Variants in ADD2 observed in about 807,000 individuals in gnomAD.
ADD2 encodes the protein beta-adducin.
A neutral mutation model predicts 83.0 loss-of-function variants in ADD2; 23 were observed. That is an observed-to-expected ratio of 0.28 (90% CI 0.20 to 0.39). The LOEUF (loss-of-function observed/expected upper bound fraction) is 0.39. Ranked by LOEUF, ADD2 falls within the 10% of genes least tolerant of loss-of-function variation. The pLI is 1.00. For synonymous variants in ADD2, 375 were observed against 375.4 expected, an observed-to-expected ratio of 1.00 and a Z score of 0.01; for missense variants, 758 against 944.9, an observed-to-expected ratio of 0.80 and a Z score of 2.59.
At chr2:70,743,702 A>T (rs1553381486) in intron 1 of ADD2, among the ~76,000 whole-genome samples, 1 of 152,236 alleles carries the variant, frequency 6.6e-6, no homozygotes, top group Non-Finnish European at 1.5e-5. Context: ...ATTTAAAGTC[A>T]TCAAGTCTTG....
At chr2:70,720,165 T>TGGA (rs1372542814) in intron 1 of ADD2, among the ~76,000 whole-genome samples, 3 of 152,112 alleles carry the variant, frequency 2.0e-5, no homozygotes, top group African/African-American at 7.2e-5. Flanking sequence ...GCATCTAAAC[T>TGGA]GGAGGGTAAT....
intron 1 of ADD2, among the ~76,000 whole-genome samples, chr2:70,760,125 G>A (rs1284793854): frequency 1.3e-5 from 2 of 152,248 alleles, no homozygotes; most frequent in East Asian, 1.9e-4. Context: ...AACTCAAATC[G>A]ATGTTTTCCT....
At chr2:70,767,743 G>C (rs1675482745) in intron 1 of ADD2, 143 bp downstream of exon 1, 1 of 1,439,726 alleles carries the variant, frequency 6.9e-7, no homozygotes, top group Non-Finnish European at 9.1e-7. Context: ...CTGCCGGCCA[G>C]GGCTGCAGCA....
chr2:70,756,765 T>C (rs1251185786), intron 1 of ADD2, among the ~76,000 whole-genome samples: 1 of 152,190 alleles, frequency 6.6e-6, no homozygotes, highest in East Asian at 1.9e-4. Flanking sequence ...GTTGTGGGGA[T>C]GGCCAGAAGA....
At chr2:70,712,620 C>T (rs1553375673) in intron 2 of ADD2, among the ~76,000 whole-genome samples, 1 of 152,140 alleles carries the variant, frequency 6.6e-6, no homozygotes, top group African/African-American at 2.4e-5. Flanking sequence ...TGCTGGGCTG[C>T]CATGTGGAAG....
At chr2:70,763,490 A>C (rs1553385411) in intron 1 of ADD2, among the ~76,000 whole-genome samples, 2 of 151,908 alleles carry the variant, frequency 1.3e-5, no homozygotes, top group Non-Finnish European at 2.9e-5. Flanking sequence ...TGGCAGAAAA[A>C]ATTTCTCATG....
At chr2:70,731,499 T>C (rs1673280286) in intron 1 of ADD2, among the ~76,000 whole-genome samples, 1 of 152,214 alleles carries the variant, frequency 6.6e-6, no homozygotes, top group South Asian at 2.1e-4. Context: ...GTCACTAGAC[T>C]GGAAGTTTTA....
At chr2:70,712,169 T>C (rs1672212870) in intron 2 of ADD2, among the ~76,000 whole-genome samples, 1 of 152,098 alleles carries the variant, frequency 6.6e-6, no homozygotes, top group South Asian at 2.1e-4. Context: ...ATAGGCTGGG[T>C]GCAGTGGCTC....
At chr2:70,767,150 C>G (rs1164960396) in intron 1 of ADD2, among the ~76,000 whole-genome samples, 1 of 152,106 alleles carries the variant, frequency 6.6e-6, no homozygotes, top group Non-Finnish European at 1.5e-5. Context: ...TAAGCAGACA[C>G]CGACTCCCGC....
chr2:70,713,787 G>T (rs1043943284), intron 1 of ADD2, among the ~76,000 whole-genome samples: 1 of 152,108 alleles, frequency 6.6e-6, no homozygotes, highest in African/African-American at 2.4e-5. Flanking sequence ...GAGCCCAGAC[G>T]TGGTGGCGAG....
At chr2:70,666,579 C>T (rs58190829) in intron 15 of ADD2, among the ~76,000 whole-genome samples, 62 of 152,342 alleles carry the variant, frequency 4.1e-4, no homozygotes, top group African/African-American at 1.4e-3. Context: ...CTTCTAGCTC[C>T]GTGAAGACAA....
chr2:70,689,096 A>C (rs1670893154), intron 8 of ADD2, among the ~76,000 whole-genome samples: 1 of 77,060 alleles, frequency 1.3e-5, no homozygotes, highest in Non-Finnish European at 2.6e-5. Context: ...ACTCCGTCTC[A>C]AAAAAAAACC....
At chr2:70,724,855 C>T (rs1192773233) in intron 1 of ADD2, among the ~76,000 whole-genome samples, 1 of 152,190 alleles carries the variant, frequency 6.6e-6, no homozygotes, top group Non-Finnish European at 1.5e-5. Flanking sequence ...AGGACAGATG[C>T]CCACACTGTA....
intron 1 of ADD2, among the ~76,000 whole-genome samples, chr2:70,757,193 C>T (rs1553384004): frequency 6.6e-6 from 1 of 151,878 alleles, no homozygotes; most frequent in African/African-American, 2.4e-5. Context: ...CATTCAGAAA[C>T]AGCAGTACAT....
At chr2:70,758,471 G>A (rs1349613335) in intron 1 of ADD2, among the ~76,000 whole-genome samples, 4 of 152,110 alleles carry the variant, frequency 2.6e-5, no homozygotes, top group African/African-American at 9.7e-5. Flanking sequence ...TCAGAAAAAT[G>A]GAGTAGTTCA....
chr2:70,717,106 G>C (rs1672511073), intron 1 of ADD2, among the ~76,000 whole-genome samples: 2 of 152,068 alleles, frequency 1.3e-5, no homozygotes, highest in South Asian at 4.2e-4. Context: ...GAGGAACCCA[G>C]GAGCTCCCTC....
chr2:70,675,112 T>C (rs1670066676), intron 13 of ADD2: 1 of 1,131,090 alleles, frequency 8.8e-7, no homozygotes, highest in Non-Finnish European at 1.1e-6. Context: ...CACACCTTTA[T>C]TGCAATCCCT....
At position 70,691,015 on chromosome 2, in the gene ADD2, CAGTGAGG is replaced by C. The variant is rs1438404609; in HGVS notation, c.706-93_706-87del. ...CACAGTCCAGCTCTACTCTGGGGGCCAGTGAGGGGTGAGGGGTGAGGAGTGAGGGGTG... is the reference window on the plus strand; with the variant it reads ...CACAGTCCAGCTCTACTCTGGGGGCCGGTGAGGGGTGAGGAGTGAGGGGTG... On this transcript the variant is annotated intron_variant, in intron 7 of 15. Coordinates refer to ENST00000264436, the MANE Select transcript of ADD2 (RefSeq NM_001617.4). 28 of 1,468,974 alleles carry C rather than the reference CAGTGAGG, an allele frequency of 1.9e-5. No homozygotes were observed. The African/African-American group carries it at 3.2e-4, about 17-fold the overall frequency. The allele number at this position is 1,468,974 out of a possible 1,614,324, so 91.0% of individuals were successfully genotyped here.
chr2:70,668,356 C>A (rs1255913640), intron 15 of ADD2, among the ~76,000 whole-genome samples: 8 of 152,214 alleles, frequency 5.3e-5, no homozygotes, highest in Non-Finnish European at 1.2e-4. Flanking sequence ...CCGCTCCAAG[C>A]ATGTACCTAT....
Sources: gnomAD v4.1 joint callset for allele counts (sites outside exome capture counted in the v4.1 genomes callset) on GRCh38, gnomAD v4.1.1 for gene constraint, MANE v1.5 for transcripts, NCBI Gene and HGNC (gene_info 2026-07-23, HGNC 2026-07-21) for gene names.